The following LPP variants were observed in gnomAD, a reference collection of about 807,000 sequenced individuals.
LPP encodes lipoma-preferred partner.
In LPP, 38 loss-of-function variants were observed where a neutral mutation model predicts 60.4. The ratio of observed to expected loss-of-function variants is 0.63; its 90% CI spans 0.49 to 0.83. The LOEUF is 0.83. Among genes scored for constraint, LPP ranks in the 40% least tolerant of loss-of-function variants. The pLI is 0.00. For missense variants in LPP, 902 were observed against 783.6 expected (o/e 1.15, Z -1.80); for synonymous variants, 328 against 290.8 (o/e 1.13, Z -1.30).
At chr3:188,166,153 C>T (rs905901222) in intron 1 of LPP, among the ~76,000 whole-genome samples, 7 of 151,938 alleles carry the variant, frequency 4.6e-5, no homozygotes, top group Non-Finnish European at 1.0e-4. Context: ...ACCTATCAAC[C>T]CTGATTTTTT....
At chr3:188,833,860 T>G (rs987509357) in intron 9 of LPP, among the ~76,000 whole-genome samples, 3 of 152,210 alleles carry the variant, frequency 2.0e-5, no homozygotes, top group African/African-American at 4.8e-5. Flanking sequence ...TATGTTTTGA[T>G]TCTCCTCATT....
At chr3:188,284,351 G>A (rs1743191007) in intron 2 of LPP, among the ~76,000 whole-genome samples, 1 of 152,100 alleles carries the variant, frequency 6.6e-6, no homozygotes, top group Non-Finnish European at 1.5e-5. Context: ...CAAGGTGGAG[G>A]TGCACAGGCC....
At chr3:188,512,961 A>T (rs1198752132) in intron 5 of LPP, among the ~76,000 whole-genome samples, 1 of 152,212 alleles carries the variant, frequency 6.6e-6, no homozygotes, top group Non-Finnish European at 1.5e-5. Flanking sequence ...TTTGATTCAT[A>T]AATCCACACA....
At chr3:188,411,712 C>T (rs2148927849) in intron 4 of LPP, among the ~76,000 whole-genome samples, 1 of 152,188 alleles carries the variant, frequency 6.6e-6, no homozygotes, top group African/African-American at 2.4e-5. Flanking sequence ...CAAACAACAA[C>T]CACCCCACCC....
chr3:188,680,474 A>T (rs1859238487), intron 7 of LPP, among the ~76,000 whole-genome samples: 1 of 152,212 alleles, frequency 6.6e-6, no homozygotes, highest in Non-Finnish European at 1.5e-5. Context: ...AGGGTATTTG[A>T]AATAAAGCCA....
In LPP at chr3:188,288,606, C is replaced by T. The variant is rs546473123; in HGVS notation, c.-66-53057C>T. On this transcript the variant is annotated intron_variant, in intron 2 of 11. Coordinates refer to ENST00000617246, the MANE Select transcript of LPP (RefSeq NM_001375462.1). ...CACACACACACACATACACACAGAT[C>T]TGTGTATCTACACCTGTCTATACAC... Among the ~76,000 whole-genome samples, 140 of 142,808 alleles carry T rather than the reference C, an allele frequency of 9.8e-4. 1 individual carries two copies. The highest frequency in any genetic ancestry group is 1.8e-3 in the Non-Finnish European group (118 of 64,442). The allele number at this position is 142,808 out of a possible 152,430, so 93.7% of individuals were successfully genotyped here. A position where few individuals can be genotyped will look rare whatever the true frequency, so the allele number is the denominator to read the frequency against.
intron 8 of LPP, among the ~76,000 whole-genome samples, chr3:188,738,711 A>T (rs1180865210): frequency 6.6e-6 from 1 of 152,112 alleles, no homozygotes; most frequent in Non-Finnish European, 1.5e-5. Flanking sequence ...TGAATACTTA[A>T]TTGGATCCCT....
intron 3 of LPP, among the ~76,000 whole-genome samples, chr3:188,376,403 T>C (rs1164085312): frequency 6.6e-6 from 1 of 152,190 alleles, no homozygotes; most frequent in African/African-American, 2.4e-5. Context: ...ATTGGGTGCA[T>C]ATATATTTAG....
In LPP at chr3:188,644,924, A is replaced by C. The variant is rs1850830654; in HGVS notation, c.1113+35080A>C. 2.6e-5 allele frequency among the ~76,000 whole-genome samples: 4 copies of C among 152,322 alleles called. No individual in the cohort carries two copies. The South Asian group carries it at 8.3e-4, about 32-fold the overall frequency. ...TGTGAAATCAGGCAAAGCTAGACTCAAATTTTGTCTCTGTTTTCTAGTAAC... is the reference window on the plus strand; with the variant it reads ...TGTGAAATCAGGCAAAGCTAGACTCCAATTTTGTCTCTGTTTTCTAGTAAC... On this transcript the variant is annotated intron_variant, in intron 7 of 11. Transcript: ENST00000617246.
rs775062293 is a variant in LPP, at chr3:188,872,645, A to C, written c.1592A>C (p.Lys531Thr). The C allele has an allele frequency of 3.1e-6, 5 of 1,613,912 alleles. No individual in the cohort carries two copies. Among genetic ancestry groups the C allele is most frequent in the Admixed American group, 1.7e-5 (1 of 59,988 alleles). ...CAGAACTCTCTCTTCACTTTCAGGA[A>C]ATTTGCCCCGCGATGTTCTGTGTGC... ...LIHCIEDFHK[K>T]FAPRCSVCKE... is the part of the protein sequence containing the mutation. Residue 531 changes from lysine (K) to threonine (T), a missense_variant and splice_region_variant, in exon 11 of 12, where the codon AAA (lysine) becomes ACA (threonine). By Grantham distance (78) the Lys-to-Thr change is moderately conservative. Transcript: ENST00000617246.
intron 3 of LPP, among the ~76,000 whole-genome samples, chr3:188,344,114 A>G (rs566499059): frequency 5.9e-5 from 9 of 152,324 alleles, no homozygotes; most frequent in Admixed American, 4.6e-4. Flanking sequence ...CTGTACTTGA[A>G]CGAGAACAGG....
At chr3:188,462,555 T>A (rs1009796140) in intron 4 of LPP, among the ~76,000 whole-genome samples, 649 of 36,726 alleles carry the variant, frequency 0.018, 28 homozygotes, top group African/African-American at 0.055. Flanking sequence ...TATATATATA[T>A]ATATATATAT....
At chr3:188,648,537 A>G (rs1392880596) in intron 7 of LPP, among the ~76,000 whole-genome samples, 1 of 152,104 alleles carries the variant, frequency 6.6e-6, no homozygotes, top group Non-Finnish European at 1.5e-5. Context: ...ACACCCAGAT[A>G]TCATCTCTGG....
Position 188,397,501 on chromosome 3 carries a change from A to G in LPP, c.-9-8611A>G, listed in dbSNP as rs1453586764. 3.3e-5 allele frequency among the ~76,000 whole-genome samples: 5 copies of G among 151,988 alleles called. No homozygotes were observed. In the South Asian group the frequency reaches 6.2e-4, roughly 19 times the overall value. On this transcript the variant is annotated intron_variant, in intron 3 of 11. Transcript: ENST00000617246. ...TTAACCTTCTCTCCTGAGAGTCCTG[A>G]TCTTTCAGTGCTGTTGTTTCCCTGT...
At chr3:188,517,649 A>C (rs951597603) in intron 5 of LPP, among the ~76,000 whole-genome samples, 5 of 152,164 alleles carry the variant, frequency 3.3e-5, no homozygotes, top group African/African-American at 1.2e-4. Context: ...TAGGAGGTGA[A>C]GGGCACTTCT....
At chr3:188,646,703 G>A (rs1426406180) in intron 7 of LPP, among the ~76,000 whole-genome samples, 1 of 152,208 alleles carries the variant, frequency 6.6e-6, no homozygotes, top group Non-Finnish European at 1.5e-5. Context: ...GATCTTAAAT[G>A]TTCCTTAGAA....
At chr3:188,296,051 C>A (rs999589187) in intron 2 of LPP, among the ~76,000 whole-genome samples, 1 of 152,154 alleles carries the variant, frequency 6.6e-6, no homozygotes, top group Non-Finnish European at 1.5e-5. Flanking sequence ...AGACCCTGTT[C>A]CATCTAGAGA....
At position 188,868,793 on chromosome 3, in the gene LPP, G is replaced by A. The variant is rs75605163; in HGVS notation, c.1589+2415G>A. ...CTCCTTTTGTGGACCTTTAGAAAAT[G>A]CATGTTAATTCAGTTCAACTCACAT... On this transcript the variant is annotated intron_variant, in intron 10 of 11. Transcript: ENST00000617246. Among the ~76,000 whole-genome samples, 1,287 of 152,298 alleles carry A rather than the reference G, an allele frequency of 8.5e-3. 21 individuals carry two copies. The highest frequency in any genetic ancestry group is 0.03 in the African/African-American group (1,239 of 41,560).
At chr3:188,611,663 A>G (rs1196021105) in intron 7 of LPP, among the ~76,000 whole-genome samples, 5 of 152,246 alleles carry the variant, frequency 3.3e-5, no homozygotes. Context: ...TGAAGGAATG[A>G]CATGGTGTCT....
Sources: allele counts gnomAD v4.1 joint callset (sites outside exome capture counted in the v4.1 genomes callset), GRCh38; gene constraint gnomAD v4.1.1; transcripts MANE v1.5; gene names NCBI Gene and HGNC (gene_info 2026-07-23, HGNC 2026-07-21).